Variants in EPHA6 observed in about 807,000 individuals in gnomAD.
The protein encoded by EPHA6 is ephrin type-A receptor 6.
A neutral mutation model predicts 112.0 loss-of-function variants in EPHA6; 50 were observed. That is an observed-to-expected ratio of 0.45 (90% CI 0.36 to 0.56). The LOEUF (loss-of-function observed/expected upper bound fraction) is 0.56. Ranked by LOEUF, EPHA6 falls within the 20% of genes least tolerant of loss-of-function variation. The pLI, the probability that EPHA6 is intolerant of heterozygous loss-of-function variation, is 0.00. For missense variants in EPHA6, 1,280 were observed against 1,417.4 expected, an observed-to-expected ratio of 0.90 and a Z score of 1.56; for synonymous variants, 529 against 490.7, an observed-to-expected ratio of 1.08 and a Z score of -1.03.
At chr3:97,067,211 T>C (rs1324125148) in intron 3 of EPHA6, among the ~76,000 whole-genome samples, 1 of 152,152 alleles carries the variant, frequency 6.6e-6, no homozygotes. Context: ...TTAAATTGCA[T>C]ACTTTACATC....
At chr3:97,033,146 G>A (rs1047216758) in intron 3 of EPHA6, among the ~76,000 whole-genome samples, 1 of 151,968 alleles carries the variant, frequency 6.6e-6, no homozygotes, top group Non-Finnish European at 1.5e-5. Context: ...GGAGGCTGCT[G>A]GAGACTCGGT....
chr3:96,933,294 T>C (rs530623205), intron 2 of EPHA6, among the ~76,000 whole-genome samples: 27 of 152,312 alleles, frequency 1.8e-4, no homozygotes, highest in Middle Eastern at 6.8e-3. Context: ...GATTAAAATA[T>C]ATTTTTAAAA....
intron 1 of EPHA6, among the ~76,000 whole-genome samples, chr3:96,831,302 A>G (rs2034062799): frequency 6.6e-6 from 1 of 152,112 alleles, no homozygotes; most frequent in Non-Finnish European, 1.5e-5. Flanking sequence ...ATGAGCAGTA[A>G]TGAAAACTTA....
Position 96,948,481 on chromosome 3 carries a change from A to G in EPHA6, c.451-38849A>G, listed in dbSNP as rs142307559. ...GTTACTTTTTATTTCCCTGAAAGTC[A>G]GGAGAAGGAATATTAGATATGTTTT... On this transcript the variant is annotated intron_variant, in intron 2 of 17. Transcript: ENST00000389672. Among the ~76,000 whole-genome samples, 448 of 152,326 alleles carry G rather than the reference A, an allele frequency of 2.9e-3. 4 individuals carry two copies. Among genetic ancestry groups the G allele is most frequent in the African/African-American group, 9.9e-3 (410 of 41,570 alleles).
At chr3:97,525,848 C>T (rs1267513044) in intron 10 of EPHA6, among the ~76,000 whole-genome samples, 2 of 152,112 alleles carry the variant, frequency 1.3e-5, no homozygotes, top group Admixed American at 6.6e-5. Context: ...GGGTCTGGAT[C>T]TGGGATGATG....
Position 97,664,323 on chromosome 3 carries a change from G to A in EPHA6, c.2784+26241G>A, listed in dbSNP as rs183421993. Among the ~76,000 whole-genome samples the A allele has an allele frequency of 4.4e-3, 666 of 152,268 alleles. 6 individuals are homozygous for A. Among genetic ancestry groups the A allele is most frequent in the African/African-American group, 0.015 (644 of 41,550 alleles). On this transcript the variant is annotated intron_variant, in intron 14 of 17. Transcript: ENST00000389672. ...TGATGGTAGTTTCTTTTGCTGTGCA[G>A]AAGCTCTTTAGTTTAATTAGATCCC... is the stretch of plus-strand genomic sequence containing the variant.
chr3:97,452,914 A>G (rs561514896), intron 7 of EPHA6, among the ~76,000 whole-genome samples: 16 of 151,830 alleles, frequency 1.1e-4, no homozygotes, highest in African/African-American at 3.6e-4. Context: ...AAAATAAAAA[A>G]TTGTTGACAT....
At chr3:97,028,229 C>T (rs1343108111) in intron 3 of EPHA6, among the ~76,000 whole-genome samples, 1 of 151,924 alleles carries the variant, frequency 6.6e-6, no homozygotes, top group African/African-American at 2.4e-5. Context: ...AACTAAATTA[C>T]TGCTTTAATT....
intron 3 of EPHA6, among the ~76,000 whole-genome samples, chr3:97,141,056 A>G (rs2075888480): frequency 6.6e-6 from 1 of 152,150 alleles, no homozygotes; most frequent in South Asian, 2.1e-4. Context: ...CAGACATTAA[A>G]TCAACAACAG....
intron 3 of EPHA6, among the ~76,000 whole-genome samples, chr3:97,183,139 G>A (rs2077035690): frequency 6.6e-6 from 1 of 151,830 alleles, no homozygotes; most frequent in Non-Finnish European, 1.5e-5. Context: ...ATTCATAAGG[G>A]CTTTCAAATA....
chr3:96,905,059 A>G (rs2038857367), intron 2 of EPHA6, among the ~76,000 whole-genome samples: 1 of 152,120 alleles, frequency 6.6e-6, no homozygotes, highest in African/African-American at 2.4e-5. Context: ...AGTTTTGCCA[A>G]AGGAATGCAA....
At chr3:97,022,373 T>C (rs568767355) in intron 3 of EPHA6, among the ~76,000 whole-genome samples, 1 of 152,218 alleles carries the variant, frequency 6.6e-6, no homozygotes, top group Non-Finnish European at 1.5e-5. Flanking sequence ...CTTAGACAGA[T>C]GCTATAACTT....
In EPHA6 at chr3:97,012,192, C is replaced by T. The variant is rs561714026; in HGVS notation, c.1114+24199C>T. On this transcript the variant is annotated intron_variant, in intron 3 of 17. Coordinates refer to ENST00000389672, the MANE Select transcript of EPHA6 (RefSeq NM_001080448.3). ...GTACCCAGTAATGGGATTGTTGGAT[C>T]AAATGGTAGTTTTGTTTTAAGTTCT... Among the ~76,000 whole-genome samples, 14 of 152,220 alleles carry T rather than the reference C, an allele frequency of 9.2e-5. 1 individual carries two copies. Among genetic ancestry groups the T allele is most frequent in the African/African-American group, 3.4e-4 (14 of 41,550 alleles).
chr3:97,725,102 C>G (rs1262771112), intron 15 of EPHA6, among the ~76,000 whole-genome samples: 1 of 152,132 alleles, frequency 6.6e-6, no homozygotes, highest in African/African-American at 2.4e-5. Flanking sequence ...CAGCATTGCT[C>G]AATCCAGAGG....
chr3:96,880,103 A>G (rs2037220748), intron 2 of EPHA6, among the ~76,000 whole-genome samples: 1 of 152,052 alleles, frequency 6.6e-6, no homozygotes, highest in African/African-American at 2.4e-5. Flanking sequence ...AAGCTATTAT[A>G]ATAAAAAATT....
At chr3:97,164,330 C>A (rs1019193637) in intron 3 of EPHA6, among the ~76,000 whole-genome samples, 29 of 152,192 alleles carry the variant, frequency 1.9e-4, no homozygotes, top group African/African-American at 6.7e-4. Flanking sequence ...TTATTTGCCT[C>A]CACGTAACCA....
intron 3 of EPHA6, among the ~76,000 whole-genome samples, chr3:97,203,062 C>G (rs1424050986): frequency 6.6e-6 from 1 of 152,050 alleles, no homozygotes; most frequent in Admixed American, 6.6e-5. Flanking sequence ...CAACTGCCCT[C>G]TGACAATGTG....
At chr3:96,884,584 AC>A (rs1256874671) in intron 2 of EPHA6, among the ~76,000 whole-genome samples, 1 of 152,140 alleles carries the variant, frequency 6.6e-6, no homozygotes, top group East Asian at 1.9e-4. Context: ...GTATCCAGGA[AC>A]TTTGCTGATT....
chr3:97,487,788 A>G (rs187029680), intron 10 of EPHA6, among the ~76,000 whole-genome samples: 1 of 152,278 alleles, frequency 6.6e-6, no homozygotes, highest in East Asian at 1.9e-4. Flanking sequence ...TGAAGTGAGC[A>G]GCTCTGTTGC....
Sources: gnomAD v4.1 joint callset for allele counts (sites outside exome capture counted in the v4.1 genomes callset) on GRCh38, gnomAD v4.1.1 for gene constraint, MANE v1.5 for transcripts, NCBI Gene and HGNC (gene_info 2026-07-23, HGNC 2026-07-21) for gene names.